WWOX: variants seen among roughly 807,000 people sequenced by gnomAD.
The protein encoded by WWOX is WW domain-containing oxidoreductase.
In WWOX, 69 loss-of-function variants were observed where a neutral mutation model predicts 46.2. That is an observed-to-expected ratio of 1.49 (90% CI 1.23 to 1.82). The LOEUF (loss-of-function observed/expected upper bound fraction) is 1.82, where lower values mean the gene tolerates loss of function less well. WWOX is among the 40% of genes most tolerant of loss of function. WWOX has a pLI of 0.00. For synonymous variants in WWOX, 359 were observed against 202.6 expected (o/e 1.77, Z -6.56); for missense variants, 919 against 542.6 (o/e 1.69, Z -6.89).
intron 8 of WWOX, among the ~76,000 whole-genome samples, chr16:78,739,581 C>T (rs1440943221): frequency 1.3e-5 from 2 of 152,094 alleles, no homozygotes; most frequent in Non-Finnish European, 2.9e-5. Flanking sequence ...GAGGCTGAGG[C>T]AGATAAATCA....
At chr16:78,185,855 T>TC (rs2035684409) in intron 5 of WWOX, among the ~76,000 whole-genome samples, 2 of 151,776 alleles carry the variant, frequency 1.3e-5, no homozygotes, top group Admixed American at 6.6e-5. Flanking sequence ...TTAGTAGAGA[T>TC]GGGTTTCACC....
At chr16:78,943,943 G>A (rs10083784) in intron 8 of WWOX, among the ~76,000 whole-genome samples, 5,087 of 152,242 alleles carry the variant, frequency 0.033, 285 homozygotes, top group East Asian at 0.18. Flanking sequence ...CCATTGCCTG[G>A]TTTTCTGTTG....
chr16:78,320,254 A>G (rs1328324587), intron 5 of WWOX, among the ~76,000 whole-genome samples: 1 of 152,200 alleles, frequency 6.6e-6, no homozygotes, highest in African/African-American at 2.4e-5. Context: ...TTTAAGTGGA[A>G]GAGTACACAA....
intron 8 of WWOX, among the ~76,000 whole-genome samples, chr16:79,013,544 C>G (rs903285098): frequency 9.9e-5 from 15 of 152,208 alleles, no homozygotes; most frequent in Non-Finnish European, 1.6e-4. Flanking sequence ...AGCAAAAGCA[C>G]ACACAATGAT....
At chr16:78,687,840 G>C (rs188682925) in intron 8 of WWOX, among the ~76,000 whole-genome samples, 5 of 152,052 alleles carry the variant, frequency 3.3e-5, no homozygotes, top group Non-Finnish European at 7.4e-5. Context: ...TCAAGTAGGC[G>C]TTTTTAAATT....
At chr16:79,159,054 A>G (rs1183793441) in intron 8 of WWOX, among the ~76,000 whole-genome samples, 1 of 152,244 alleles carries the variant, frequency 6.6e-6, no homozygotes, top group Non-Finnish European at 1.5e-5. Flanking sequence ...CGAAAGAAAT[A>G]GTGCATGGAT....
At chr16:78,630,735 G>A (rs1001714032) in intron 8 of WWOX, among the ~76,000 whole-genome samples, 5 of 152,108 alleles carry the variant, frequency 3.3e-5, no homozygotes, top group African/African-American at 9.7e-5. Flanking sequence ...AGTCTTATGA[G>A]TCTTCCTTGC....
intron 8 of WWOX, among the ~76,000 whole-genome samples, chr16:78,995,587 G>GAAAAA (rs1277842332): frequency 2.0e-5 from 3 of 149,662 alleles, no homozygotes; most frequent in Admixed American, 6.6e-5. Flanking sequence ...AAAAGAAAAA[G>GAAAAA]AAAGAGAGAA....
chr16:78,945,584 C>T (rs569724834), intron 8 of WWOX, among the ~76,000 whole-genome samples: 5 of 152,112 alleles, frequency 3.3e-5, no homozygotes, highest in African/African-American at 4.8e-5. Flanking sequence ...GGTTTTTTCT[C>T]TCTTTTGGTT....
chr16:78,692,102 TC>T (rs2048003592), intron 8 of WWOX, among the ~76,000 whole-genome samples: 1 of 152,192 alleles, frequency 6.6e-6, no homozygotes, highest in Admixed American at 6.5e-5. Context: ...AACCTCTTTT[TC>T]TTCCCAGTCT....
chr16:78,818,257 A>T (rs1295608031), intron 8 of WWOX, among the ~76,000 whole-genome samples: 1 of 152,210 alleles, frequency 6.6e-6, no homozygotes. Flanking sequence ...CCTGGGCTGC[A>T]CATCAGAGCC....
intron 4 of WWOX, among the ~76,000 whole-genome samples, chr16:78,128,979 T>C (rs565071646): frequency 6.6e-6 from 1 of 152,236 alleles, no homozygotes; most frequent in East Asian, 1.9e-4. Flanking sequence ...CACGTACAGT[T>C]ACTAGATTGA....
chr16:78,175,465 A>G (rs141516209), intron 5 of WWOX, among the ~76,000 whole-genome samples: 1 of 152,344 alleles, frequency 6.6e-6, no homozygotes, highest in African/African-American at 2.4e-5. Context: ...ATGGCCGGGT[A>G]TGACTCCTGA....
At chr16:78,754,045 C>T (rs1424099665) in intron 8 of WWOX, among the ~76,000 whole-genome samples, 4 of 151,480 alleles carry the variant, frequency 2.6e-5, no homozygotes, top group African/African-American at 9.7e-5. Flanking sequence ...CTTGTAATTA[C>T]TCTCATAATT....
At chr16:78,633,780 G>A (rs1224243690) in intron 8 of WWOX, among the ~76,000 whole-genome samples, 1 of 152,218 alleles carries the variant, frequency 6.6e-6, no homozygotes, top group South Asian at 2.1e-4. Flanking sequence ...CCAGGCTGTG[G>A]TGTGCGGTGC....
At chr16:79,047,408 GTTAATTGA>G (rs2150522539) in intron 8 of WWOX, among the ~76,000 whole-genome samples, 1 of 152,290 alleles carries the variant, frequency 6.6e-6, no homozygotes, top group South Asian at 2.1e-4. Context: ...TGATCCATTG[GTTAATTGA>G]TTAATTGATT....
At chr16:78,446,796 G>T (rs535946309) in intron 8 of WWOX, among the ~76,000 whole-genome samples, 1 of 150,980 alleles carries the variant, frequency 6.6e-6, no homozygotes, top group African/African-American at 2.4e-5. Context: ...CAGTGGCTGG[G>T]ATTACAGGCA....
intron 6 of WWOX, among the ~76,000 whole-genome samples, chr16:78,403,702 T>C (rs2082464382): frequency 6.6e-6 from 1 of 152,190 alleles, no homozygotes; most frequent in Non-Finnish European, 1.5e-5. Flanking sequence ...GCATGGGGGC[T>C]CCCCAGATTG....
intron 8 of WWOX, among the ~76,000 whole-genome samples, chr16:78,554,674 G>A (rs8047751): frequency 0.045 from 6,810 of 152,168 alleles, 255 homozygotes; most frequent in African/African-American, 0.098. Flanking sequence ...CTTTTAAAAT[G>A]CTGCAGTTGA....
Sources: gnomAD v4.1 joint callset for allele counts (sites outside exome capture counted in the v4.1 genomes callset) on GRCh38, gnomAD v4.1.1 for gene constraint, MANE v1.5 for transcripts, NCBI Gene and HGNC (gene_info 2026-07-23, HGNC 2026-07-21) for gene names.